The following SMOC2 variants were observed in gnomAD, a reference collection of about 807,000 sequenced individuals.
The protein encoded by SMOC2 is SPARC related modular calcium binding 2.
In SMOC2, 39 loss-of-function variants were observed where a neutral mutation model predicts 61.4. The ratio of observed to expected loss-of-function variants is 0.64; its 90% CI spans 0.49 to 0.83. SMOC2 has a LOEUF of 0.83. Ranked by LOEUF, SMOC2 falls within the 40% of genes least tolerant of loss-of-function variation. The pLI is 0.00. For synonymous variants in SMOC2, 247 were observed against 239.9 expected, an observed-to-expected ratio of 1.03 and a Z score of -0.27; for missense variants, 556 against 592.9, an observed-to-expected ratio of 0.94 and a Z score of 0.65.
intron 11 of SMOC2, among the ~76,000 whole-genome samples, chr6:168,659,716 GAGT>G (rs1787446358): frequency 8.6e-5 from 10 of 115,686 alleles, no homozygotes; most frequent in Non-Finnish European, 9.7e-5. Flanking sequence ...GTTGTAGGCT[GAGT>G]GAGGGTGGAG....
chr6:168,489,737 T>A (rs1162872954), intron 1 of SMOC2, among the ~76,000 whole-genome samples: 1 of 151,010 alleles, frequency 6.6e-6, no homozygotes, highest in Non-Finnish European at 1.5e-5. Context: ...TGTTTTAGAA[T>A]GAAATATATC....
intron 7 of SMOC2, among the ~76,000 whole-genome samples, chr6:168,585,574 C>T (rs887620061): frequency 6.6e-6 from 1 of 152,134 alleles, no homozygotes; most frequent in African/African-American, 2.4e-5. Flanking sequence ...GGGATAAATA[C>T]CTGAGAGTAG....
chr6:168,579,001 GC>G (rs1213175073), intron 7 of SMOC2, among the ~76,000 whole-genome samples: 2 of 152,202 alleles, frequency 1.3e-5, no homozygotes, highest in Non-Finnish European at 2.9e-5. Flanking sequence ...GGCCCTGAGT[GC>G]CCACCACCGA....
At chr6:168,486,629 C>G (rs1453769165) in intron 1 of SMOC2, among the ~76,000 whole-genome samples, 1 of 151,344 alleles carries the variant, frequency 6.6e-6, no homozygotes, top group African/African-American at 2.4e-5. Flanking sequence ...CCAGCACTGG[C>G]TGTGAGCGCA....
At chr6:168,509,790 C>A in intron 1 of SMOC2, 125 bp from the exon 2 acceptor site, 1 of 816,548 alleles carries the variant, frequency 1.2e-6, no homozygotes, top group South Asian at 2.6e-5. Flanking sequence ...GGGTGAGAAC[C>A]GGGTGGTGTT....
intron 9 of SMOC2, among the ~76,000 whole-genome samples, chr6:168,623,480 G>C (rs896701794): frequency 9.1e-6 from 1 of 110,042 alleles, no homozygotes; most frequent in Non-Finnish European, 1.8e-5. Flanking sequence ...CACCCCACCT[G>C]GCTTATTTAT....
intron 2 of SMOC2, among the ~76,000 whole-genome samples, chr6:168,518,988 T>TGTATGCGTGCATGTGTGA (rs1163211594): frequency 6.6e-6 from 1 of 151,254 alleles, no homozygotes; most frequent in Admixed American, 6.6e-5. Context: ...TGCATGCGTG[T>TGTATGCGTGCATGTGTGA]GTATGCGTGC....
chr6:168,497,679 G>C (rs1782624899), intron 1 of SMOC2, among the ~76,000 whole-genome samples: 2 of 152,192 alleles, frequency 1.3e-5, no homozygotes, highest in Admixed American at 1.3e-4. Flanking sequence ...GTCTTGTCAG[G>C]AAAACCTGGC....
intron 1 of SMOC2, among the ~76,000 whole-genome samples, chr6:168,447,093 G>A (rs1298388519): frequency 6.6e-6 from 1 of 152,110 alleles, no homozygotes; most frequent in Non-Finnish European, 1.5e-5. Context: ...TTGAGACAGG[G>A]TCTTGCTCTG....
intron 9 of SMOC2, among the ~76,000 whole-genome samples, chr6:168,633,436 C>T (rs4142311): frequency 0.26 from 39,730 of 152,034 alleles, 5,370 homozygotes; most frequent in Non-Finnish European, 0.28. Flanking sequence ...CGCTGCACAC[C>T]GGCTTTGCCA....
At chr6:168,447,849 G>C (rs1781364280) in intron 1 of SMOC2, among the ~76,000 whole-genome samples, 1 of 150,252 alleles carries the variant, frequency 6.7e-6, no homozygotes, top group Non-Finnish European at 1.5e-5. Context: ...AAAAAAAAAT[G>C]CTGTGGTATG....
At chr6:168,600,414 AAAAAAAACAAAAAAAAAAAC>A (rs1785515209) in intron 8 of SMOC2, among the ~76,000 whole-genome samples, 1 of 24,516 alleles carries the variant, frequency 4.1e-5, no homozygotes, top group Admixed American at 5.5e-4. Context: ...CCTCAAAAAA[AAAAAAAACAAAAAAAAAAAC>A]AAAAAAAAAA....
chr6:168,649,604 C>G (rs548956326), intron 9 of SMOC2, among the ~76,000 whole-genome samples: 39 of 152,342 alleles, frequency 2.6e-4, no homozygotes, highest in African/African-American at 8.7e-4. Flanking sequence ...TTTGTCACCT[C>G]TCCCCTGGAT....
At chr6:168,626,618 T>C (rs1786416598) in intron 9 of SMOC2, among the ~76,000 whole-genome samples, 1 of 152,200 alleles carries the variant, frequency 6.6e-6, no homozygotes, top group Non-Finnish European at 1.5e-5. Context: ...GGCTCTACTC[T>C]CTGATTATCA....
intron 9 of SMOC2, among the ~76,000 whole-genome samples, chr6:168,621,373 C>T (rs12197584): frequency 0.23 from 35,733 of 152,134 alleles, 4,348 homozygotes; most frequent in Non-Finnish European, 0.26. Context: ...ATTTTAAAAA[C>T]GTCTCCTAAG....
intron 8 of SMOC2, among the ~76,000 whole-genome samples, chr6:168,599,884 T>TC (rs1785491559): frequency 9.9e-6 from 1 of 100,970 alleles, no homozygotes; most frequent in Non-Finnish European, 2.0e-5. Flanking sequence ...CCACACTAAC[T>TC]CCCCCGACAC....
chr6:168,441,507 C>A, intron 1 of SMOC2, 53 bp downstream of exon 1: 4 of 1,441,578 alleles, frequency 2.8e-6, no homozygotes, highest in Non-Finnish European at 3.6e-6. Flanking sequence ...CTCTTGCAGC[C>A]GGCCGGGTTC....
intron 7 of SMOC2, among the ~76,000 whole-genome samples, chr6:168,575,647 C>T (rs1401909253): frequency 6.6e-6 from 1 of 152,182 alleles, no homozygotes; most frequent in Non-Finnish European, 1.5e-5. Context: ...GCCATTTGAA[C>T]CAGCCAAAAA....
intron 9 of SMOC2, among the ~76,000 whole-genome samples, chr6:168,627,286 G>T (rs1242346339): frequency 6.6e-6 from 1 of 152,218 alleles, no homozygotes; most frequent in Admixed American, 6.5e-5. Flanking sequence ...CCTTTGGAAA[G>T]TGTGATATTG....
Sources: gnomAD v4.1 joint callset for allele counts (sites outside exome capture counted in the v4.1 genomes callset) on GRCh38, gnomAD v4.1.1 for gene constraint, MANE v1.5 for transcripts, NCBI Gene and HGNC (gene_info 2026-07-23, HGNC 2026-07-21) for gene names.